The following LMO7 variants were observed in gnomAD, a reference collection of about 807,000 sequenced individuals.
The protein encoded by LMO7 is LIM domain only protein 7.
LMO7 carries 120 observed loss-of-function variants against 206.5 expected under a neutral mutation model. The observed-to-expected ratio is 0.58, with a 90% confidence interval of 0.50 to 0.68. LMO7 has a LOEUF of 0.68. Among genes scored for constraint, LMO7 ranks in the 30% least tolerant of loss-of-function variants. The pLI, the probability that LMO7 is intolerant of heterozygous loss-of-function variation, is 0.00. For missense variants in LMO7, 1,959 were observed against 1,957.9 expected (o/e 1.00, Z -0.01); for synonymous variants, 706 against 681.5 (o/e 1.04, Z -0.56).
At chr13:75,632,252 G>T (rs1436775736), upstream of LMO7, 5 of 152,198 alleles carry the variant, frequency 3.3e-5, no homozygotes, top group African/African-American at 9.6e-5. Flanking sequence ...AGGAGGCAAA[G>T]AATTATATTT....
rs145333406 is a variant in LMO7 at position 75,840,423 on chromosome 13, C to A, written c.3510C>A (p.Arg1170=). The A allele has an allele frequency of 3.8e-5, 61 of 1,613,904 alleles. No individual in the cohort carries two copies. In the African/African-American group the frequency reaches 7.3e-4, roughly 19 times the overall value. The change falls in exon 22 of 31, where the codon CGC becomes CGA. Residue 1170 remains arginine (R), a synonymous_variant. Transcript: ENST00000377534. ...LPVPTISAPS[R]WVWDQEEERK... ...TTCCAACCATCAGTGCCCCGAGTCGCTGGGTGTGGGATCAAGAGGAGGAGC... is the reference window on the plus strand; with the variant it reads ...TTCCAACCATCAGTGCCCCGAGTCGATGGGTGTGGGATCAAGAGGAGGAGC...
At chr13:75,659,982 G>A (rs544185744) in intron 1 of LMO7, among the ~76,000 whole-genome samples, 199 of 152,216 alleles carry the variant, frequency 1.3e-3, no homozygotes, top group Non-Finnish European at 2.5e-3. Flanking sequence ...TATTTCAGGG[G>A]AGTACAGATC....
chr13:75,753,221 C>A (rs956900146), intron 3 of LMO7, among the ~76,000 whole-genome samples: 3 of 152,018 alleles, frequency 2.0e-5, no homozygotes, highest in African/African-American at 7.2e-5. Flanking sequence ...ATTTGTCTTC[C>A]ATTGAAAAAG....
At chr13:75,634,610 A>C (rs1040392597), upstream of LMO7, among the ~76,000 whole-genome samples, 1 of 151,906 alleles carries the variant, frequency 6.6e-6, no homozygotes, top group Non-Finnish European at 1.5e-5. Flanking sequence ...AGGCGTGGTG[A>C]CGGGCGCCTG....
At chr13:75,839,564 G>A (rs1185608868) in intron 20 of LMO7, among the ~76,000 whole-genome samples, 3 of 152,164 alleles carry the variant, frequency 2.0e-5, no homozygotes, top group Non-Finnish European at 4.4e-5. Context: ...AGCAATAGGA[G>A]TAGAAAAAGG....
At chr13:75,732,890 C>G (rs978928668) in intron 3 of LMO7, among the ~76,000 whole-genome samples, 1 of 152,216 alleles carries the variant, frequency 6.6e-6, no homozygotes, top group Non-Finnish European at 1.5e-5. Context: ...GAGGTCCACT[C>G]CAGACCCTGT....
rs758205031 is a variant in LMO7, at chr13:75,858,213, A to G, written c.*270A>G. 18 of 356,124 alleles carry G rather than the reference A, an allele frequency of 5.1e-5. No homozygotes were observed. Among genetic ancestry groups the G allele is most frequent in the Non-Finnish European group, 8.5e-5 (17 of 198,856 alleles). The allele number at this position is 356,124 out of a possible 1,614,324, so 22.1% of individuals were successfully genotyped here. On this transcript the variant is annotated 3_prime_UTR_variant, in exon 31 of 31. Transcript: ENST00000377534. Reference sequence around the variant, plus strand: ...TGAGAGCACAAGGGAAAAAATAAGAACCTACGAATATTTTTGAGGCAGATA... The same window carrying G: ...TGAGAGCACAAGGGAAAAAATAAGAGCCTACGAATATTTTTGAGGCAGATA...
intron 25 of LMO7, 36 bp from the exon 26 acceptor site, chr13:75,845,291 T>C (rs2059902203): frequency 9.1e-7 from 1 of 1,097,862 alleles, no homozygotes; most frequent in Non-Finnish European, 1.3e-6. Flanking sequence ...GGTTATTTAA[T>C]GAGACATATT....
chr13:75,727,174 G>A (rs753944711), intron 3 of LMO7, 76 bp downstream of exon 3: 80 of 865,280 alleles, frequency 9.2e-5, no homozygotes, highest in Middle Eastern at 7.8e-4. Flanking sequence ...GCAGATTTTT[G>A]TATCTGCAAT....
chr13:75,848,016 A>G (rs1416129167), intron 26 of LMO7, among the ~76,000 whole-genome samples: 4 of 152,160 alleles, frequency 2.6e-5, no homozygotes, highest in Admixed American at 1.3e-4. Flanking sequence ...TATTTGTTAC[A>G]TCAACTCCAT....
At chr13:75,656,583 G>A (rs867886175) in intron 1 of LMO7, among the ~76,000 whole-genome samples, 1 of 152,104 alleles carries the variant, frequency 6.6e-6, no homozygotes, top group Non-Finnish European at 1.5e-5. Context: ...ATGCTAAAGG[G>A]TTGTCATAGT....
intron 16 of LMO7, 77 bp downstream of exon 16, chr13:75,833,242 T>C (rs1389173366): frequency 3.5e-6 from 3 of 867,482 alleles, no homozygotes; most frequent in Non-Finnish European, 5.9e-6. Flanking sequence ...ACCACAGAAA[T>C]TAGTGTATTT....
At chr13:75,643,144 G>C (rs1173523403) in intron 1 of LMO7, among the ~76,000 whole-genome samples, 3 of 152,102 alleles carry the variant, frequency 2.0e-5, no homozygotes, top group Admixed American at 6.5e-5. Context: ...CTTGTCTTTC[G>C]GTGCATTGCT....
intron 3 of LMO7, among the ~76,000 whole-genome samples, chr13:75,747,785 G>A (rs968127937): frequency 2.6e-5 from 4 of 152,216 alleles, no homozygotes; most frequent in African/African-American, 9.6e-5. Flanking sequence ...TTAGGTTGCA[G>A]ATGGGATTGC....
chr13:75,653,353 T>A (rs1286510099), intron 1 of LMO7, among the ~76,000 whole-genome samples: 1 of 152,116 alleles, frequency 6.6e-6, no homozygotes, highest in East Asian at 1.9e-4. Flanking sequence ...TTCTGTGACA[T>A]GATAATTGCT....
At chr13:75,785,905 G>C (rs915893120) in intron 4 of LMO7, among the ~76,000 whole-genome samples, 1 of 152,200 alleles carries the variant, frequency 6.6e-6, no homozygotes, top group Non-Finnish European at 1.5e-5. Flanking sequence ...GAAATGTCTA[G>C]TTTAGTATTC....
intron 1 of LMO7, among the ~76,000 whole-genome samples, chr13:75,665,414 TG>T (rs1207859235): frequency 6.6e-6 from 1 of 152,166 alleles, no homozygotes; most frequent in African/African-American, 2.4e-5. Flanking sequence ...AATTTTTATA[TG>T]GGAAAAGAAT....
chr13:75,660,470 C>T (rs57053187), intron 1 of LMO7, among the ~76,000 whole-genome samples: 5,671 of 152,174 alleles, frequency 0.037, 363 homozygotes, highest in African/African-American at 0.13. Flanking sequence ...ATCATTTATG[C>T]CCTTCTCTTT....
At chr13:75,750,377 C>CTTT (rs34407423) in intron 3 of LMO7, among the ~76,000 whole-genome samples, 10 of 93,376 alleles carry the variant, frequency 1.1e-4, no homozygotes, top group East Asian at 3.1e-4. Flanking sequence ...CTGGGGGATC[C>CTTT]TTTTTTTTTT....
Sources: allele counts gnomAD v4.1 joint callset (sites outside exome capture counted in the v4.1 genomes callset), GRCh38; gene constraint gnomAD v4.1.1; transcripts MANE v1.5; gene names NCBI Gene and HGNC (gene_info 2026-07-23, HGNC 2026-07-21).